The following THOC2 variants were observed in gnomAD, a reference collection of about 807,000 sequenced individuals.
The protein encoded by THOC2 is THO complex 2.
Under a neutral mutation model 128.4 loss-of-function variants are expected in THOC2, and 10 were observed. The observed-to-expected ratio is 0.08, with a 90% CI of 0.05 to 0.13. THOC2 has a LOEUF of 0.13. Among genes scored for constraint, THOC2 ranks in the 10% least tolerant of loss-of-function variants. The probability of loss-of-function intolerance (pLI) is 1.00; values close to 1 mark genes in which losing one functional copy is unlikely to be tolerated. For synonymous variants in THOC2, 393 were observed against 396.9 expected, an observed-to-expected ratio of 0.99 and a Z score of 0.12; for missense variants, 535 against 1,155.7, an observed-to-expected ratio of 0.46 and a Z score of 7.79.
chrX:123,668,394 T>C (rs1043181655), intron 9 of THOC2, 80 bp from the exon 10 acceptor site: 172 of 596,298 alleles, frequency 2.9e-4, no homozygotes, highest in African/African-American at 4.2e-4. Flanking sequence ...CTATTCTCAA[T>C]TGATAAAACT....
chrX:123,663,607 T>C (rs2048927045), intron 12 of THOC2, among the ~76,000 whole-genome samples: 1 of 109,297 alleles, frequency 9.1e-6, no homozygotes, highest in Admixed American at 9.8e-5. Flanking sequence ...AGACTCTAGG[T>C]TGCAGGTACT....
chrX:123,730,536 T>C (rs892916520), intron 1 of THOC2, among the ~76,000 whole-genome samples: 2 of 112,573 alleles, frequency 1.8e-5, no homozygotes, highest in Non-Finnish European at 3.7e-5. Context: ...ATAGCATGTA[T>C]TATGTAAATA....
In THOC2 at chrX:123,640,553, G is replaced by A. The variant is rs755730387; in HGVS notation, c.1731C>T (p.Thr577=). 8.4e-7 allele frequency: 1 copy of A among 1,188,572 alleles called. No individual in the cohort carries two copies. The highest frequency in any genetic ancestry group is 3.0e-5 in the East Asian group (1 of 32,891). ...CAAAACATACATAATCAAACAAAATGGTTGGATTGCTGTGGCTCAACTTCC... is the reference window on the plus strand; with the variant it reads ...CAAAACATACATAATCAAACAAAATAGTTGGATTGCTGTGGCTCAACTTCC... ...QIGKLSHSNP[T]ILFDYILSQI... is the part of the protein sequence containing the mutation. Residue 577 remains threonine, a synonymous_variant, in exon 16 of 39, where the codon ACC becomes ACT. Coordinates refer to ENST00000245838, the MANE Select transcript of THOC2 (RefSeq NM_001081550.2).
intron 9 of THOC2, among the ~76,000 whole-genome samples, chrX:123,670,337 G>T (rs890852880): frequency 8.9e-6 from 1 of 112,684 alleles, no homozygotes; most frequent in East Asian, 2.8e-4. Flanking sequence ...CTCCTGCCTT[G>T]GCTGGGCATG....
intron 12 of THOC2, among the ~76,000 whole-genome samples, chrX:123,658,446 A>C (rs1173646688): frequency 8.9e-6 from 1 of 111,892 alleles, no homozygotes; most frequent in Non-Finnish European, 1.9e-5. Context: ...GGAAGCAACC[A>C]ACATGTCCTT....
At chrX:123,682,852 T>C in intron 8 of THOC2, among the ~76,000 whole-genome samples, 1 of 111,531 alleles carries the variant, frequency 9.0e-6, no homozygotes, top group African/African-American at 3.3e-5. Flanking sequence ...GGTACTACCA[T>C]TACTACTATT....
At chrX:123,703,616 A>C in intron 3 of THOC2, 111 bp from the exon 4 acceptor site, 1 of 441,822 alleles carries the variant, frequency 2.3e-6, no homozygotes, top group Non-Finnish European at 3.8e-6. Context: ...GGCTGGGAGC[A>C]GTGGCTCACA....
intron 1 of THOC2, among the ~76,000 whole-genome samples, chrX:123,732,687 C>T (rs2052328611): frequency 8.9e-6 from 1 of 111,757 alleles, no homozygotes; most frequent in African/African-American, 3.2e-5. Context: ...CCTGCAGGGG[C>T]GGAATAAGAG....
chrX:123,697,582 C>T, intron 5 of THOC2, 99 bp downstream of exon 5: 1 of 480,091 alleles, frequency 2.1e-6, no homozygotes, highest in Non-Finnish European at 3.5e-6. Context: ...TGAGAAAAGT[C>T]AACTGAATGT....
chrX:123,623,094 A>G lies in THOC2; in HGVS notation c.3682+11T>C. 8.5e-7 allele frequency: 1 copy of G among 1,179,262 alleles called. No individual in the cohort carries two copies. Among genetic ancestry groups the G allele is most frequent in the African/African-American group, 1.8e-5 (1 of 56,217 alleles). ...AATATATTACTTATAAGTTTCTACA[A>G]ATAAGCATACCAGTCTCCTCAGTAC... On this transcript the variant is annotated intron_variant, in intron 29 of 38. Coordinates refer to ENST00000245838, the MANE Select transcript of THOC2 (RefSeq NM_001081550.2).
At position 123,626,014 on chromosome X, in the gene THOC2, T is replaced by C. The variant is rs1179198798; in HGVS notation, c.2955A>G (p.Arg985=). The C allele has an allele frequency of 5.8e-6, 7 of 1,202,396 alleles. No homozygotes were observed. Among genetic ancestry groups the C allele is most frequent in the Non-Finnish European group, 4.5e-6 (4 of 889,183 alleles). The change falls in exon 25 of 39, where the codon CGA becomes CGG. Residue 985 remains arginine, a synonymous_variant. Transcript: ENST00000245838. ...TKFLQLCIFP[R]CIFSAIDAVY... is the part of the protein sequence containing the mutation. ...CAGCATCAATTGCTGAAAAAATACATCGAGGAAATATACACAGCTGTAGAA... is the reference window on the plus strand; with the variant it reads ...CAGCATCAATTGCTGAAAAAATACACCGAGGAAATATACACAGCTGTAGAA...
chrX:123,709,363 G>C (rs1313765850), intron 2 of THOC2, among the ~76,000 whole-genome samples: 1 of 110,934 alleles, frequency 9.0e-6, no homozygotes, highest in Admixed American at 9.6e-5. Flanking sequence ...AGGCTGAGGC[G>C]GGCGGATCAC....
chrX:123,673,891 C>G (rs2049379441), intron 8 of THOC2, among the ~76,000 whole-genome samples: 1 of 111,507 alleles, frequency 9.0e-6, no homozygotes, highest in Admixed American at 9.6e-5. Context: ...ATCCACCCAG[C>G]TTTGAATTTC....
intron 19 of THOC2, 112 bp downstream of exon 19, chrX:123,635,967 T>C (rs2047657543): frequency 2.0e-6 from 1 of 512,041 alleles, no homozygotes; most frequent in Non-Finnish European, 3.1e-6. Context: ...ACTATTCTAC[T>C]TGAGCCTACA....
chrX:123,702,372 TCATGC>T (rs2050736170), intron 4 of THOC2, among the ~76,000 whole-genome samples: 1 of 109,592 alleles, frequency 9.1e-6, no homozygotes, highest in African/African-American at 3.3e-5. Context: ...GTGCAGTGGC[TCATGC>T]CTATAATCCC....
intron 11 of THOC2, among the ~76,000 whole-genome samples, chrX:123,666,544 G>T (rs994087648): frequency 1.8e-5 from 2 of 111,393 alleles, no homozygotes; most frequent in Non-Finnish European, 3.8e-5. Flanking sequence ...CTGATCTATG[G>T]GGCTGTAGCC....
chrX:123,671,405 T>C (rs1291855409), intron 9 of THOC2, among the ~76,000 whole-genome samples: 2 of 112,186 alleles, frequency 1.8e-5, no homozygotes, highest in Non-Finnish European at 3.8e-5. Flanking sequence ...GAACTTCATA[T>C]CCAAACTTAA....
At chrX:123,724,650 A>C (rs1393468711) in intron 1 of THOC2, among the ~76,000 whole-genome samples, 2 of 111,335 alleles carry the variant, frequency 1.8e-5, no homozygotes, top group Non-Finnish European at 3.8e-5. Flanking sequence ...GCATCACCGC[A>C]CTCCAACCTG....
At chrX:123,606,053 C>T (rs916281407) in intron 38 of THOC2, among the ~76,000 whole-genome samples, 5 of 111,034 alleles carry the variant, frequency 4.5e-5, no homozygotes, top group Admixed American at 9.6e-5. Flanking sequence ...ATGTTCCAAT[C>T]CTTCAAGAAA....
Sources: allele counts gnomAD v4.1 joint callset (sites outside exome capture counted in the v4.1 genomes callset), GRCh38; gene constraint gnomAD v4.1.1; transcripts MANE v1.5; gene names NCBI Gene and HGNC (gene_info 2026-07-23, HGNC 2026-07-21).